Variants in FRMPD3 observed in about 807,000 individuals in gnomAD.
FRMPD3 encodes FERM and PDZ domain containing 3, also known as FERM and PDZ domain-containing protein 3.
Under a neutral mutation model 97.9 loss-of-function variants are expected in FRMPD3, and 42 were observed. That is an observed-to-expected ratio of 0.43 (90% CI 0.34 to 0.55). The LOEUF is 0.55. Ranked by LOEUF, FRMPD3 falls within the 20% of genes least tolerant of loss-of-function variation. The probability of loss-of-function intolerance (pLI) is 0.03; values close to 1 mark genes in which losing one functional copy is unlikely to be tolerated. For missense variants in FRMPD3, 1,303 were observed against 1,457.7 expected (o/e 0.89, Z 1.73); for synonymous variants, 577 against 581.1 (o/e 0.99, Z 0.10).
intron 4 of FRMPD3, among the ~76,000 whole-genome samples, chrX:107,535,595 C>T (rs1923191933): frequency 9.3e-6 from 1 of 107,506 alleles, no homozygotes; most frequent in Admixed American, 1.0e-4. Context: ...ATCATTTGAA[C>T]CTGGGAGGCA....
intron 1 of FRMPD3, among the ~76,000 whole-genome samples, chrX:107,486,309 G>A (rs1921503450): frequency 8.9e-6 from 1 of 112,296 alleles, no homozygotes; most frequent in Admixed American, 9.4e-5. Flanking sequence ...CACATGGTGT[G>A]CTTTGAGGAT....
chrX:107,603,382 C>G lies in FRMPD3; in HGVS notation c.*9C>G. The stretch of plus-strand genomic sequence containing the variant: ...AAACCCTTATTAAGTAGGGCATCTG[C>G]CCACACCTGTCCCCCTTCCCCAACC... On this transcript the variant is annotated 3_prime_UTR_variant, in exon 15 of 15. Transcript: ENST00000683843. 4.4e-6 allele frequency: 5 copies of G among 1,133,950 alleles called. No individual in the cohort carries two copies. Among genetic ancestry groups the G allele is most frequent in the Non-Finnish European group, 5.8e-6 (5 of 854,885 alleles). 93.5% of individuals were successfully genotyped at this position (1,133,950 alleles called of 1,213,427 possible).
At chrX:107,575,865 C>T (rs1440382759) in intron 12 of FRMPD3, among the ~76,000 whole-genome samples, 2 of 111,856 alleles carry the variant, frequency 1.8e-5, no homozygotes, top group African/African-American at 6.5e-5. Context: ...CTGGGTGTTA[C>T]AGGGGCATGT....
chrX:107,600,722 T>A lies in FRMPD3; in HGVS notation c.2683T>A (p.Ser895Thr), dbSNP rs754220930. 17 of 1,200,582 alleles carry A rather than the reference T, an allele frequency of 1.4e-5. No homozygotes were observed. The highest frequency in any genetic ancestry group is 1.3e-4 in the Admixed American group (6 of 44,769). ...LSEQKNLSLL[S>T]PVPEDKGPGH... ...TGAACAGAAGAATCTGAGTCTGCTG[T>A]CCCCAGTTCCTGAGGACAAAGGGCC... The change falls in exon 15 of 15, where the codon TCC (serine) becomes ACC (threonine). Residue 895 changes from serine to threonine, a missense_variant. Ser to Thr is a moderately conservative substitution (Grantham distance 58, BLOSUM62 1). Coordinates refer to ENST00000683843, the MANE Select transcript of FRMPD3 (RefSeq NM_001388459.1).
intron 13 of FRMPD3, among the ~76,000 whole-genome samples, chrX:107,591,137 ATTTCTTTC>A (rs768963887): frequency 1.0e-3 from 110 of 106,261 alleles, no homozygotes; most frequent in African/African-American, 3.1e-3. Flanking sequence ...CAAATTGTAT[ATTTCTTTC>A]TTTCTTTCTT....
intron 1 of FRMPD3, among the ~76,000 whole-genome samples, chrX:107,480,895 G>GGAAGGAAAGAAAGAAA (rs1461084039): frequency 3.0e-4 from 18 of 60,595 alleles, no homozygotes; most frequent in East Asian, 2.9e-3. Flanking sequence ...AAGGAAGGAA[G>GGAAGGAAAGAAAGAAA]GAAAGAAAGA....
intron 1 of FRMPD3, among the ~76,000 whole-genome samples, chrX:107,509,008 T>G (rs188671048): frequency 2.2e-4 from 25 of 111,929 alleles, no homozygotes; most frequent in African/African-American, 7.1e-4. Context: ...TCTTCCTACC[T>G]CCTGGGGAGG....
chrX:107,595,937 CAA>C (rs377196495), intron 13 of FRMPD3, among the ~76,000 whole-genome samples: 4 of 51,517 alleles, frequency 7.8e-5, no homozygotes, highest in Non-Finnish European at 1.2e-4. Context: ...GACTCCGTCT[CAA>C]AAAAAAAAAA....
rs1237702967 is a variant in FRMPD3 at position 107,561,150 on chromosome X, G to A, written c.1026+297G>A. On this transcript the variant is annotated intron_variant, in intron 10 of 14. Coordinates refer to ENST00000683843, the MANE Select transcript of FRMPD3 (RefSeq NM_001388459.1). ...TCCTTTTCACCAATTAGTCAGTGCC[G>A]ACTGAGCATGTATCATGTGGAAAGC... 5.4e-5 allele frequency among the ~76,000 whole-genome samples: 6 copies of A among 111,091 alleles called. No homozygotes were observed. The South Asian group carries it at 1.5e-3, about 29-fold the overall frequency.
intron 1 of FRMPD3, among the ~76,000 whole-genome samples, chrX:107,474,014 G>A (rs927294356): frequency 8.9e-5 from 10 of 112,519 alleles, no homozygotes; most frequent in Admixed American, 6.6e-4. Context: ...TAACCTGGGA[G>A]GCGGAGGTTA....
intron 6 of FRMPD3, among the ~76,000 whole-genome samples, chrX:107,551,311 G>C (rs1022372094): frequency 3.6e-5 from 4 of 111,203 alleles, no homozygotes; most frequent in African/African-American, 9.8e-5. Flanking sequence ...GGCTATTGAA[G>C]GGGGCATGGG....
chrX:107,474,027 G>A (rs920048133), intron 1 of FRMPD3, among the ~76,000 whole-genome samples: 3 of 112,637 alleles, frequency 2.7e-5, no homozygotes, highest in African/African-American at 6.5e-5. Flanking sequence ...GGAGGTTACA[G>A]TGAGCTGAGA....
At chrX:107,480,899 A>G (rs7891997) in intron 1 of FRMPD3, among the ~76,000 whole-genome samples, 5,617 of 41,496 alleles carry the variant, frequency 0.14, 154 homozygotes, top group African/African-American at 0.15. Flanking sequence ...AAGGAAGGAA[A>G]GAAAGAAAGA....
chrX:107,591,508 A>G (rs1473218040), intron 13 of FRMPD3, among the ~76,000 whole-genome samples: 1 of 111,984 alleles, frequency 8.9e-6, no homozygotes, highest in Non-Finnish European at 1.9e-5. Context: ...TATCCAGTTG[A>G]TATATCCTTA....
At chrX:107,531,152 C>T (rs1922940875) in intron 3 of FRMPD3, among the ~76,000 whole-genome samples, 1 of 109,484 alleles carries the variant, frequency 9.1e-6, no homozygotes, top group South Asian at 4.0e-4. Context: ...ACACACCATA[C>T]ACACTCTCCT....
rs766305847 is a variant in FRMPD3 at position 107,603,054 on chromosome X, C to G, written c.5015C>G (p.Thr1672Ser). 8.3e-7 allele frequency: 1 copy of G among 1,209,500 alleles called. No individual in the cohort carries two copies. The highest frequency in any genetic ancestry group is 1.1e-6 in the Non-Finnish European group (1 of 895,212). The change falls in exon 15 of 15, where the codon ACC becomes AGC. Residue 1672 changes from threonine (T) to serine (S), a missense_variant. By Grantham distance (58) the Thr-to-Ser change is moderately conservative. Around this residue, in one of 3 missense-constraint regions of FRMPD3, gnomAD observed 764 missense variants for 820.2 expected, o/e 0.93. Transcript: ENST00000683843. ...CAGGTGCTGAGCAGCCTCATTGAGACCTTCGTGCGGCTGGTGTTCATTGTG... is the reference window on the plus strand; with the variant it reads ...CAGGTGCTGAGCAGCCTCATTGAGAGCTTCGTGCGGCTGGTGTTCATTGTG... ...SFQVLSSLIE[T>S]FVRLVFIVRS...
chrX:107,567,274 C>T (rs1010405012), intron 12 of FRMPD3, among the ~76,000 whole-genome samples: 1 of 111,922 alleles, frequency 8.9e-6, no homozygotes, highest in Non-Finnish European at 1.9e-5. Flanking sequence ...GCATGAGCCA[C>T]TGCACCCGGC....
At chrX:107,565,200 T>C (rs1922548454) in intron 12 of FRMPD3, 134 bp downstream of exon 12, 1 of 599,817 alleles carries the variant, frequency 1.7e-6, no homozygotes, top group Non-Finnish European at 2.5e-6. Flanking sequence ...ACCCTGGGAC[T>C]CTTTGGGCTA....
At chrX:107,464,216 AT>A (rs1931521748) in intron 1 of FRMPD3, among the ~76,000 whole-genome samples, 1 of 111,533 alleles carries the variant, frequency 9.0e-6, no homozygotes, top group African/African-American at 3.3e-5. Flanking sequence ...TAATTAGCAC[AT>A]TTTTTGATAT....
Sources: gnomAD v4.1 joint callset for allele counts (sites outside exome capture counted in the v4.1 genomes callset) on GRCh38, gnomAD v4.1.1 for gene constraint, gnomAD v4.1.1 regional missense constraint, MANE v1.5 for transcripts, NCBI Gene and HGNC (gene_info 2026-07-23, HGNC 2026-07-21) for gene names.